NALF1: variants seen among roughly 807,000 people sequenced by gnomAD.
NALF1 encodes family with sequence similarity 155 member A.
A neutral mutation model predicts 48.4 loss-of-function variants in NALF1; 3 were observed. The observed-to-expected ratio is 0.06, with a 90% CI of 0.03 to 0.16. The LOEUF is 0.16. Among genes scored for constraint, NALF1 ranks in the 10% least tolerant of loss-of-function variants. The pLI is 1.00. For missense variants in NALF1, 526 were observed against 571.5 expected, an observed-to-expected ratio of 0.92 and a Z score of 0.81; for synonymous variants, 262 against 245.7, an observed-to-expected ratio of 1.07 and a Z score of -0.62.
At chr13:107,583,407 T>A (rs897859034) in intron 1 of NALF1, among the ~76,000 whole-genome samples, 1 of 152,204 alleles carries the variant, frequency 6.6e-6, no homozygotes, top group African/African-American at 2.4e-5. Context: ...TTTTAAGTTA[T>A]GAAATATGAT....
chr13:107,420,526 A>G (rs1285046126), intron 1 of NALF1, among the ~76,000 whole-genome samples: 1 of 152,188 alleles, frequency 6.6e-6, no homozygotes, highest in African/African-American at 2.4e-5. Flanking sequence ...CACTTTTCCT[A>G]GAGAAATTTC....
chr13:107,221,761 G>A (rs1879998492), intron 1 of NALF1, among the ~76,000 whole-genome samples: 1 of 151,838 alleles, frequency 6.6e-6, no homozygotes, highest in South Asian at 2.1e-4. Flanking sequence ...ACAGAGACAG[G>A]GTGGGCTTTT....
At position 107,194,305 on chromosome 13, in the gene NALF1, A is replaced by G. The variant is rs185340765; in HGVS notation, c.1087+16279T>C. On this transcript the variant is annotated intron_variant, in intron 2 of 2. Coordinates refer to ENST00000375915, the MANE Select transcript of NALF1 (RefSeq NM_001080396.3). ...AAAAGTATTCAAAATTGGAGACATC[A>G]TATTACCCAACTTCAAATTATACTA... Among the ~76,000 whole-genome samples the G allele has an allele frequency of 7.9e-5, 12 of 152,314 alleles. No individual in the cohort carries two copies. The South Asian group carries it at 8.3e-4, about 11-fold the overall frequency.
At chr13:107,472,116 G>A (rs1885110375) in intron 1 of NALF1, among the ~76,000 whole-genome samples, 1 of 152,182 alleles carries the variant, frequency 6.6e-6, no homozygotes, top group African/African-American at 2.4e-5. Context: ...CAGATCACTG[G>A]TCAGGAGTTC....
intron 1 of NALF1, among the ~76,000 whole-genome samples, chr13:107,692,287 A>G (rs1470579804): frequency 1.3e-5 from 2 of 152,210 alleles, no homozygotes; most frequent in Non-Finnish European, 2.9e-5. Flanking sequence ...GCTTCCTTTG[A>G]TCAACATTGA....
intron 1 of NALF1, among the ~76,000 whole-genome samples, chr13:107,797,013 T>G (rs1052695807): frequency 4.6e-5 from 7 of 152,154 alleles, no homozygotes; most frequent in African/African-American, 1.7e-4. Context: ...CTTCACAACC[T>G]GAAATGTACT....
intron 1 of NALF1, among the ~76,000 whole-genome samples, chr13:107,602,517 G>A (rs1323433100): frequency 6.6e-6 from 1 of 152,108 alleles, no homozygotes; most frequent in East Asian, 1.9e-4. Context: ...ACTTCAGGCA[G>A]ATCAAATAAA....
chr13:107,835,790 G>A (rs7988858), intron 1 of NALF1, among the ~76,000 whole-genome samples: 17,197 of 152,064 alleles, frequency 0.11, 987 homozygotes, highest in East Asian at 0.15. Context: ...TGGGGGTTTC[G>A]CATTCTTATT....
chr13:107,420,097 G>A (rs1176502362), intron 1 of NALF1, among the ~76,000 whole-genome samples: 1 of 152,126 alleles, frequency 6.6e-6, no homozygotes, highest in South Asian at 2.1e-4. Context: ...TATGGCTACA[G>A]AATTCAATTT....
intron 1 of NALF1, among the ~76,000 whole-genome samples, chr13:107,683,683 G>A (rs189740235): frequency 1.1e-3 from 160 of 152,296 alleles, no homozygotes; most frequent in African/African-American, 3.5e-3. Flanking sequence ...CAGAGAGGCC[G>A]TGGCAGGACT....
chr13:107,330,358 G>A (rs1340229474), intron 1 of NALF1, among the ~76,000 whole-genome samples: 1 of 152,166 alleles, frequency 6.6e-6, no homozygotes, highest in Non-Finnish European at 1.5e-5. Flanking sequence ...TTCAATATTT[G>A]TCAATATCAC....
chr13:107,218,371 G>C (rs1594075397), intron 1 of NALF1, among the ~76,000 whole-genome samples: 1 of 152,132 alleles, frequency 6.6e-6, no homozygotes, highest in Non-Finnish European at 1.5e-5. Context: ...CCAGTGCCCT[G>C]GATGTATCTG....
intron 1 of NALF1, among the ~76,000 whole-genome samples, chr13:107,715,215 T>G (rs964118039): frequency 1.3e-5 from 2 of 152,070 alleles, no homozygotes; most frequent in African/African-American, 4.8e-5. Context: ...TTTCTTTTTT[T>G]TTTTGAAACA....
At chr13:107,457,959 C>T (rs1033626489) in intron 1 of NALF1, among the ~76,000 whole-genome samples, 2 of 152,274 alleles carry the variant, frequency 1.3e-5, no homozygotes, top group Admixed American at 6.5e-5. Context: ...GTGGTTTAGA[C>T]CACATTGATT....
At chr13:107,784,620 C>T (rs111549591) in intron 1 of NALF1, among the ~76,000 whole-genome samples, 67 of 152,084 alleles carry the variant, frequency 4.4e-4, no homozygotes, top group African/African-American at 1.5e-3. Context: ...AAAGAAGATA[C>T]ACAAATAGCC....
Position 107,170,551 on chromosome 13 carries a change from T to A in NALF1, c.1323A>T (p.Gly441=). The A allele has an allele frequency of 6.2e-7, 1 of 1,613,856 alleles. No individual in the cohort carries two copies. ...LTASAAQNTA[G]LSFGGINTLE... is the part of the protein sequence containing the mutation. The stretch of plus-strand genomic sequence containing the variant: ...GCGTGTTGATGCCTCCAAAGCTCAG[T>A]CCGGCTGTGTTCTGTGCTGCCGAGG... The change falls in exon 3 of 3, where the codon GGA becomes GGT. Residue 441 remains glycine, a synonymous_variant. Coordinates refer to ENST00000375915, the MANE Select transcript of NALF1 (RefSeq NM_001080396.3).
intron 1 of NALF1, among the ~76,000 whole-genome samples, chr13:107,246,833 G>A (rs1880595765): frequency 6.6e-6 from 1 of 152,098 alleles, no homozygotes; most frequent in Admixed American, 6.6e-5. Flanking sequence ...GGAAAGGGGA[G>A]AATTTCATCT....
chr13:107,589,751 G>T (rs1160771167), intron 1 of NALF1, among the ~76,000 whole-genome samples: 1 of 151,878 alleles, frequency 6.6e-6, no homozygotes, highest in Admixed American at 6.6e-5. Flanking sequence ...GATTAAAGTG[G>T]TAAGTTATCT....
At chr13:107,851,699 C>T (rs1880317534) in intron 1 of NALF1, among the ~76,000 whole-genome samples, 1 of 151,216 alleles carries the variant, frequency 6.6e-6, no homozygotes, top group Non-Finnish European at 1.5e-5. Context: ...TTTTCAGTCA[C>T]AGGTTGGAAG....
Sources: gnomAD v4.1 joint callset for allele counts (sites outside exome capture counted in the v4.1 genomes callset) on GRCh38, gnomAD v4.1.1 for gene constraint, MANE v1.5 for transcripts, NCBI Gene and HGNC (gene_info 2026-07-23, HGNC 2026-07-21) for gene names.